Variants in CRPPA observed in about 807,000 individuals in gnomAD.
The protein encoded by CRPPA is CDP-L-ribitol pyrophosphorylase A.
Under a neutral mutation model 52.0 loss-of-function variants are expected in CRPPA, and 43 were observed. That is an observed-to-expected ratio of 0.83 (90% confidence interval 0.65 to 1.07). The LOEUF (loss-of-function observed/expected upper bound fraction) is 1.07, where lower values mean the gene tolerates loss of function less well. Ranked by LOEUF, CRPPA falls within the 50% of genes least tolerant of loss-of-function variation. The pLI, the probability that CRPPA is intolerant of heterozygous loss-of-function variation, is 0.00. For missense variants in CRPPA, 629 were observed against 551.7 expected (o/e 1.14, Z -1.40); for synonymous variants, 250 against 203.5 (o/e 1.23, Z -1.94).
intron 9 of CRPPA, among the ~76,000 whole-genome samples, chr7:16,123,733 C>A (rs897962304): frequency 2.0e-5 from 3 of 152,072 alleles, no homozygotes; most frequent in Admixed American, 6.6e-5. Flanking sequence ...ATTCTAAATT[C>A]GTGATTGTTT....
intron 9 of CRPPA, among the ~76,000 whole-genome samples, chr7:16,172,150 C>G (rs890104201): frequency 6.6e-6 from 1 of 152,136 alleles, no homozygotes; most frequent in African/African-American, 2.4e-5. Context: ...AATTCTTTCC[C>G]GATTACTTGC....
At chr7:16,375,853 G>A (rs1333743829) in intron 3 of CRPPA, among the ~76,000 whole-genome samples, 1 of 152,138 alleles carries the variant, frequency 6.6e-6, no homozygotes, top group East Asian at 1.9e-4. Context: ...TGCTTTGCAT[G>A]ATCCTTCAGG....
chr7:16,315,653 C>T (rs10261486), intron 3 of CRPPA, among the ~76,000 whole-genome samples: 5 of 151,874 alleles, frequency 3.3e-5, no homozygotes, highest in Non-Finnish European at 5.9e-5. Context: ...CCATAGGAAG[C>T]ACAATAAGAT....
chr7:16,224,223 GA>G (rs1782593144), intron 8 of CRPPA, among the ~76,000 whole-genome samples: 1 of 151,018 alleles, frequency 6.6e-6, no homozygotes. Context: ...TGTTTGTCTA[GA>G]ATTCATTTAA....
intron 9 of CRPPA, among the ~76,000 whole-genome samples, chr7:16,123,411 G>A (rs577852884): frequency 1.3e-5 from 2 of 152,202 alleles, no homozygotes; most frequent in African/African-American, 4.8e-5. Flanking sequence ...GGCAAACTAT[G>A]TTAGAATCAT....
At chr7:16,241,973 G>GGGGT (rs1783125682) in intron 8 of CRPPA, among the ~76,000 whole-genome samples, 1 of 106,580 alleles carries the variant, frequency 9.4e-6, no homozygotes, top group African/African-American at 3.7e-5. Flanking sequence ...TTTTTTGTTG[G>GGGGT]GGGGAGATAG....
At chr7:16,095,201 G>C (rs534470282) in intron 9 of CRPPA, among the ~76,000 whole-genome samples, 1 of 152,188 alleles carries the variant, frequency 6.6e-6, no homozygotes. Flanking sequence ...CAAAACCTGA[G>C]TTACAAAGGC....
intron 3 of CRPPA, among the ~76,000 whole-genome samples, chr7:16,357,927 C>A (rs1293859473): frequency 6.6e-6 from 1 of 152,136 alleles, no homozygotes; most frequent in Non-Finnish European, 1.5e-5. Context: ...TGTCAGAAAC[C>A]GCAAATGCCT....
chr7:16,261,101 G>T (rs988425946), intron 6 of CRPPA, among the ~76,000 whole-genome samples: 2 of 151,952 alleles, frequency 1.3e-5, no homozygotes, highest in Non-Finnish European at 2.9e-5. Context: ...TAGTAACCAG[G>T]AAAGACAAAT....
chr7:16,377,009 C>T (rs1282091030), intron 2 of CRPPA, among the ~76,000 whole-genome samples: 1 of 152,160 alleles, frequency 6.6e-6, no homozygotes, highest in African/African-American at 2.4e-5. Flanking sequence ...CTTATATTTA[C>T]TCCAAAACAT....
At chr7:16,148,217 T>C (rs757890780) in intron 9 of CRPPA, among the ~76,000 whole-genome samples, 1 of 152,150 alleles carries the variant, frequency 6.6e-6, no homozygotes, top group Non-Finnish European at 1.5e-5. Flanking sequence ...TCTCTTCCTC[T>C]TAAAAGTACA....
chr7:16,137,677 T>G (rs1489326771), intron 9 of CRPPA, among the ~76,000 whole-genome samples: 1 of 152,202 alleles, frequency 6.6e-6, no homozygotes, highest in African/African-American at 2.4e-5. Context: ...GACGTTTAAC[T>G]TTTCTTTCAA....
At chr7:16,205,510 C>A (rs1918260) in intron 9 of CRPPA, among the ~76,000 whole-genome samples, 43,093 of 151,958 alleles carry the variant, frequency 0.28, 7,836 homozygotes, top group Admixed American at 0.39. Context: ...AAATACGATA[C>A]CTTCATTATT....
At chr7:16,120,278 C>G (rs1047256251) in intron 9 of CRPPA, among the ~76,000 whole-genome samples, 1 of 152,104 alleles carries the variant, frequency 6.6e-6, no homozygotes, top group African/African-American at 2.4e-5. Context: ...ATTCTCCACC[C>G]TCAATGTCTT....
chr7:16,211,723 C>T (rs987269414), intron 9 of CRPPA, among the ~76,000 whole-genome samples: 1 of 152,002 alleles, frequency 6.6e-6, no homozygotes, highest in African/African-American at 2.4e-5. Context: ...TCAGTGGTAC[C>T]CTATACATTC....
At chr7:16,157,022 T>C (rs964668334) in intron 9 of CRPPA, among the ~76,000 whole-genome samples, 1 of 152,196 alleles carries the variant, frequency 6.6e-6, no homozygotes, top group Non-Finnish European at 1.5e-5. Flanking sequence ...TTTTGTTTTT[T>C]GTTTTGTTAC....
rs549008197 is a variant in CRPPA at position 16,302,049 on chromosome 7, C to T, written c.790-583G>A. On this transcript the variant is annotated intron_variant, in intron 4 of 9. Coordinates refer to ENST00000407010, the MANE Select transcript of CRPPA (RefSeq NM_001101426.4). Reference sequence around the variant, plus strand: ...ATGATCTTTCCTTAAAAATATGCAACCTCTTGGGAGGCCAAGGCAGGCGGA... The same window carrying T: ...ATGATCTTTCCTTAAAAATATGCAATCTCTTGGGAGGCCAAGGCAGGCGGA... 2.6e-5 allele frequency among the ~76,000 whole-genome samples: 4 copies of T among 152,222 alleles called. No individual in the cohort carries two copies. In the South Asian group the frequency reaches 8.3e-4, roughly 32 times the overall value.
At chr7:16,149,071 T>A (rs1157492649) in intron 9 of CRPPA, among the ~76,000 whole-genome samples, 1 of 152,192 alleles carries the variant, frequency 6.6e-6, no homozygotes, top group African/African-American at 2.4e-5. Flanking sequence ...AATAAAATAT[T>A]CATGAATCCT....
intron 9 of CRPPA, among the ~76,000 whole-genome samples, chr7:16,180,493 A>C (rs1309738421): frequency 6.6e-6 from 1 of 152,108 alleles, no homozygotes; most frequent in Admixed American, 6.6e-5. Context: ...TAGATAATGT[A>C]ATGGTAGTTT....
Sources: gnomAD v4.1 joint callset for allele counts (sites outside exome capture counted in the v4.1 genomes callset) on GRCh38, gnomAD v4.1.1 for gene constraint, MANE v1.5 for transcripts, NCBI Gene and HGNC (gene_info 2026-07-23, HGNC 2026-07-21) for gene names.